The following ZFYVE28 variants were observed in gnomAD, a reference collection of about 807,000 sequenced individuals.
ZFYVE28 encodes the protein lateral signaling target protein 2 homolog.
A neutral mutation model predicts 82.1 loss-of-function variants in ZFYVE28; 40 were observed. That is an observed-to-expected ratio of 0.49 (90% confidence interval 0.38 to 0.63). The LOEUF (loss-of-function observed/expected upper bound fraction) is 0.63. Ranked by LOEUF, ZFYVE28 falls within the 30% of genes least tolerant of loss-of-function variation. ZFYVE28 has a pLI of 0.00. For missense variants in ZFYVE28, 1,321 were observed against 1,242.1 expected (o/e 1.06, Z -0.96); for synonymous variants, 612 against 546.1 (o/e 1.12, Z -1.68).
chr4:2,380,220 T>C (rs73072348), intron 1 of ZFYVE28, among the ~76,000 whole-genome samples: 27,362 of 151,896 alleles, frequency 0.18, 2,901 homozygotes, highest in African/African-American at 0.3. Context: ...GCATCCGGGG[T>C]TTTCTGACTA....
At chr4:2,359,911 G>T (rs2108890927) in intron 1 of ZFYVE28, among the ~76,000 whole-genome samples, 1 of 152,246 alleles carries the variant, frequency 6.6e-6, no homozygotes, top group Non-Finnish European at 1.5e-5. Flanking sequence ...CTCTTGGGGT[G>T]GGCTCAAGCT....
At chr4:2,338,358 C>T (rs1052312197) in intron 4 of ZFYVE28, among the ~76,000 whole-genome samples, 11 of 152,226 alleles carry the variant, frequency 7.2e-5, no homozygotes, top group African/African-American at 2.7e-4. Context: ...GAGGCCAAGG[C>T]CAGCAGCAGA....
At chr4:2,327,265 T>C (rs1489611758) in intron 6 of ZFYVE28, among the ~76,000 whole-genome samples, 3 of 13,156 alleles carry the variant, frequency 2.3e-4, no homozygotes, top group East Asian at 1.1e-3. Context: ...TATATATATA[T>C]ATATATATAT....
intron 7 of ZFYVE28, among the ~76,000 whole-genome samples, chr4:2,306,143 G>T (rs1716537559): frequency 6.6e-6 from 1 of 152,272 alleles, no homozygotes; most frequent in Non-Finnish European, 1.5e-5. Flanking sequence ...GGCCGGGAAG[G>T]CTTCCTGGAG....
rs1240686661 is a variant in ZFYVE28, at chr4:2,372,164, C to CTTT, written c.40-18092_40-18091insAAA. Among the ~76,000 whole-genome samples the CTTT allele has an allele frequency of 9.5e-4, 145 of 152,248 alleles. 2 individuals carry two copies. The highest frequency in any genetic ancestry group is 2.9e-3 in the Admixed American group (45 of 15,290). ...GGGAGGAGGGCAAATGTTTTGTTTGCTGTTACCTATTCCCGTGACCAACAG... is the reference window on the plus strand; with the variant it reads ...GGGAGGAGGGCAAATGTTTTGTTTGCTTTTGTTACCTATTCCCGTGACCAACAG... On this transcript the variant is annotated intron_variant, in intron 1 of 12. Transcript: ENST00000290974. The surrounding 1 kb of genome is among the most constrained non-coding windows in gnomAD (Gnocchi z 5.2).
intron 8 of ZFYVE28, among the ~76,000 whole-genome samples, chr4:2,292,150 C>A (rs1489327323): frequency 1.3e-5 from 2 of 152,178 alleles, no homozygotes; most frequent in African/African-American, 4.8e-5. Flanking sequence ...ACAGGCTGAA[C>A]CCTGGGATGG....
At chr4:2,303,505 C>A (rs571543510) in intron 8 of ZFYVE28, among the ~76,000 whole-genome samples, 6 of 152,222 alleles carry the variant, frequency 3.9e-5, no homozygotes, top group South Asian at 2.1e-4. Context: ...CCTATAGACA[C>A]GGCCACAGCC....
chr4:2,350,326 A>T lies in ZFYVE28; in HGVS notation c.180+3607T>A, dbSNP rs559611145. 3.0e-3 allele frequency among the ~76,000 whole-genome samples: 450 copies of T among 151,938 alleles called. 4 individuals carry two copies. The highest frequency in any genetic ancestry group is 9.8e-3 in the African/African-American group (405 of 41,460). On this transcript the variant is annotated intron_variant, in intron 2 of 12. Transcript: ENST00000290974. ...AAAAATACAAAAAATTAGCCGGGCG[A>T]GGTGGCGGGCGCCTGTAGTCCCAGC...
chr4:2,397,245 G>T (rs1294792152), intron 1 of ZFYVE28, among the ~76,000 whole-genome samples: 1 of 152,136 alleles, frequency 6.6e-6, no homozygotes, highest in Non-Finnish European at 1.5e-5. Flanking sequence ...GCCAAGGTGG[G>T]TGGATCACCT....
intron 1 of ZFYVE28, among the ~76,000 whole-genome samples, chr4:2,391,879 G>A (rs2108925459): frequency 6.6e-6 from 1 of 151,678 alleles, no homozygotes; most frequent in East Asian, 2.0e-4. Flanking sequence ...GGGATTACAG[G>A]TGCCCACCAC....
rs139946213 is a variant in ZFYVE28, at chr4:2,291,256, G to A, written c.2051+13033C>T. Among the ~76,000 whole-genome samples the A allele has an allele frequency of 3.0e-3, 450 of 152,368 alleles. 2 individuals carry two copies. Among genetic ancestry groups the A allele is most frequent in the Non-Finnish European group, 4.8e-3 (328 of 68,030 alleles). On this transcript the variant is annotated intron_variant, in intron 8 of 12. Coordinates refer to ENST00000290974, the MANE Select transcript of ZFYVE28 (RefSeq NM_020972.3). ...CCCGCTTCCTCTTGCTTTCGGCTCAGTGAAGGTGGGAGGAGATGCTTGGCT... is the reference window on the plus strand; with the variant it reads ...CCCGCTTCCTCTTGCTTTCGGCTCAATGAAGGTGGGAGGAGATGCTTGGCT...
chr4:2,317,132 G>C (rs111612590), intron 7 of ZFYVE28, among the ~76,000 whole-genome samples: 23,923 of 151,670 alleles, frequency 0.16, 2,158 homozygotes, highest in Non-Finnish European at 0.2. Context: ...GGGATTACAG[G>C]AATGCACCAC....
intron 5 of ZFYVE28, among the ~76,000 whole-genome samples, chr4:2,336,546 T>C (rs781324627): frequency 2.1e-5 from 3 of 143,552 alleles, no homozygotes; most frequent in Non-Finnish European, 3.1e-5. Context: ...GATAAGAATA[T>C]TGATGGCTTC....
In ZFYVE28 at chr4:2,335,742, C is replaced by T. The variant is rs766970470; in HGVS notation, c.664G>A (p.Ala222Thr). Residue 222 changes from alanine (A) to threonine (T), a missense_variant, in exon 6 of 13, where the codon GCC becomes ACC. By Grantham distance (58) the Ala-to-Thr change is moderately conservative (BLOSUM62 0). Transcript: ENST00000290974. The surrounding 1 kb of genome is among the most constrained non-coding windows in gnomAD (Gnocchi z 5.8). ...TQDMIDDYEP[A>T]LMFSIPRLAI... ...AGCCTGGGGATGCTGAACATGAGGG[C>T]CGGCTCGTAGTCATCAATCATGTCC... 6.3e-7 allele frequency: 1 copy of T among 1,575,812 alleles called. No homozygotes were observed.
At position 2,418,206 on chromosome 4, in the gene ZFYVE28, C is replaced by T; in HGVS notation, c.39+79G>A. On this transcript the variant is annotated intron_variant, in intron 1 of 12. Coordinates refer to ENST00000290974, the MANE Select transcript of ZFYVE28 (RefSeq NM_020972.3). This position sits in a 1 kb window ranked among gnomAD's most constrained non-coding sequence, Gnocchi z 4.6. Reference sequence around the variant, plus strand: ...CCACGGACAGGGAAAGGGAGTCCGTCTTGTAGGGCGGACGGGCGGTCCTGG... The same window carrying T: ...CCACGGACAGGGAAAGGGAGTCCGTTTTGTAGGGCGGACGGGCGGTCCTGG... 1 of 1,403,736 alleles carries T rather than the reference C, an allele frequency of 7.1e-7. No homozygotes were observed. Among genetic ancestry groups the T allele is most frequent in the East Asian group, 2.9e-5 (1 of 34,372 alleles). The allele number at this position is 1,403,736 out of a possible 1,614,324, so 87.0% of individuals were successfully genotyped here. A position where few individuals can be genotyped will look rare whatever the true frequency, so the allele number is the denominator to read the frequency against.
At chr4:2,309,225 C>A (rs1717149772) in intron 7 of ZFYVE28, among the ~76,000 whole-genome samples, 1 of 152,158 alleles carries the variant, frequency 6.6e-6, no homozygotes, top group Non-Finnish European at 1.5e-5. Flanking sequence ...TTTGCACACG[C>A]CCCCTTCCCC....
At chr4:2,312,321 C>A (rs558310123) in intron 7 of ZFYVE28, among the ~76,000 whole-genome samples, 1 of 152,006 alleles carries the variant, frequency 6.6e-6, no homozygotes, top group African/African-American at 2.4e-5. Context: ...GCAGATGGCT[C>A]GAGCACAGGA....
chr4:2,317,467 G>T (rs1434929163), intron 7 of ZFYVE28, among the ~76,000 whole-genome samples: 1 of 152,110 alleles, frequency 6.6e-6, no homozygotes, highest in African/African-American at 2.4e-5. Context: ...CTGCGCTTAG[G>T]CCTGGTTACT....
rs142277957 is a variant in ZFYVE28 at position 2,280,896 on chromosome 4, G to A, written c.2052-6680C>T. Among the ~76,000 whole-genome samples, 412 of 152,368 alleles carry A rather than the reference G, an allele frequency of 2.7e-3. 4 individuals are homozygous for A. Among genetic ancestry groups the A allele is most frequent in the African/African-American group, 9.6e-3 (398 of 41,588 alleles). The stretch of plus-strand genomic sequence containing the variant: ...ATCCTGCTACTGAAGCACCCCTGGA[G>A]ATGAGAAATCAGGGGAAGGGCCCTG... On this transcript the variant is annotated intron_variant, in intron 8 of 12. Transcript: ENST00000290974.
Sources: gnomAD v4.1 joint callset for allele counts (sites outside exome capture counted in the v4.1 genomes callset) on GRCh38, gnomAD v4.1.1 for gene constraint, Gnocchi (gnomAD v3.1) non-coding constraint, MANE v1.5 for transcripts, NCBI Gene and HGNC (gene_info 2026-07-23, HGNC 2026-07-21) for gene names.